CDK17: variants seen among roughly 807,000 people sequenced by gnomAD.
CDK17 encodes cyclin-dependent kinase 17.
CDK17 carries 24 observed loss-of-function variants against 77.6 expected under a neutral mutation model. That is an observed-to-expected ratio of 0.31 (90% CI 0.22 to 0.44). The LOEUF is 0.44. Among genes scored for constraint, CDK17 ranks in the 20% least tolerant of loss-of-function variants. CDK17 has a pLI of 1.00. For synonymous variants in CDK17, 203 were observed against 210.4 expected (o/e 0.96, Z 0.30); for missense variants, 429 against 622.5 (o/e 0.69, Z 3.31).
intron 1 of CDK17, among the ~76,000 whole-genome samples, chr12:96,390,806 T>C (rs1954055756): frequency 6.6e-6 from 1 of 150,864 alleles, no homozygotes; most frequent in South Asian, 2.1e-4. Context: ...TTACTGTAAT[T>C]CCATTTAAAA....
intron 1 of CDK17, among the ~76,000 whole-genome samples, chr12:96,399,582 AC>A (rs915654590): frequency 3.8e-5 from 5 of 133,266 alleles, no homozygotes; most frequent in African/African-American, 1.4e-4. Flanking sequence ...CTCCAGCTCC[AC>A]CCCCGCCGAG....
At chr12:96,352,048 A>T (rs1489786748) in intron 1 of CDK17, among the ~76,000 whole-genome samples, 1 of 152,218 alleles carries the variant, frequency 6.6e-6, no homozygotes, top group Non-Finnish European at 1.5e-5. Flanking sequence ...GGCTGGGATC[A>T]TGGTGAAAGG....
chr12:96,399,914 C>T (rs988593004), intron 1 of CDK17, 72 bp downstream of exon 1: 2 of 339,946 alleles, frequency 5.9e-6, no homozygotes, highest in East Asian at 4.4e-5. Context: ...CTCTGTCCCA[C>T]GCAGCCTCCC....
At chr12:96,340,734 A>G (rs1953110221) in intron 1 of CDK17, among the ~76,000 whole-genome samples, 1 of 152,230 alleles carries the variant, frequency 6.6e-6, no homozygotes, top group Non-Finnish European at 1.5e-5. Context: ...ATAATAGGGC[A>G]GTGCTAAATT....
chr12:96,384,145 G>A (rs1347208150), intron 1 of CDK17, among the ~76,000 whole-genome samples: 1 of 151,802 alleles, frequency 6.6e-6, no homozygotes, highest in African/African-American at 2.4e-5. Flanking sequence ...ACAAACACAT[G>A]AAAAAAATGT....
rs576656982 is a variant in CDK17, at chr12:96,377,689, T to C, written c.-30+22297A>G. Among the ~76,000 whole-genome samples the C allele has an allele frequency of 1.9e-3, 268 of 142,956 alleles. 1 individual carries two copies. Among genetic ancestry groups the C allele is most frequent in the African/African-American group, 6.4e-3 (250 of 39,066 alleles). The allele number at this position is 142,956 out of a possible 152,430, so 93.8% of individuals were successfully genotyped here. Reference sequence around the variant, plus strand: ...ATCAGAATTACAGAAGCAGTTTTTTTTTTTCGTTTTTTTTTTTTTTTTGAG... The same window carrying C: ...ATCAGAATTACAGAAGCAGTTTTTTCTTTTCGTTTTTTTTTTTTTTTTGAG... On this transcript the variant is annotated intron_variant, in intron 1 of 16. Coordinates refer to ENST00000261211, the MANE Select transcript of CDK17 (RefSeq NM_002595.5).
intron 1 of CDK17, among the ~76,000 whole-genome samples, chr12:96,350,418 T>C (rs897871716): frequency 6.6e-6 from 1 of 150,880 alleles, no homozygotes; most frequent in African/African-American, 2.4e-5. Context: ...CCTTGAATAG[T>C]TTTGAACTAG....
rs539471422 is a variant in CDK17, at chr12:96,393,020, T to G, written c.-30+6966A>C. 5.7e-4 allele frequency among the ~76,000 whole-genome samples: 87 copies of G among 152,088 alleles called. 1 individual carries two copies. Among genetic ancestry groups the G allele is most frequent in the Non-Finnish European group, 1.0e-4 (7 of 68,010 alleles). On this transcript the variant is annotated intron_variant, in intron 1 of 16. Transcript: ENST00000261211. ...ATACCAACTGCAAACCTGAGTTAAT[T>G]GAAAAATTAAATTTATTAACTCAAA...
At chr12:96,373,500 A>G (rs1201363423) in intron 1 of CDK17, among the ~76,000 whole-genome samples, 1 of 152,178 alleles carries the variant, frequency 6.6e-6, no homozygotes, top group East Asian at 1.9e-4. Flanking sequence ...AGGCTGAGGC[A>G]GGGGAATCAC....
At chr12:96,390,121 C>A (rs1954043681) in intron 1 of CDK17, among the ~76,000 whole-genome samples, 1 of 150,448 alleles carries the variant, frequency 6.6e-6, no homozygotes, top group East Asian at 2.0e-4. Context: ...AGACAGCGCG[C>A]CCGGCTGAAA....
chr12:96,395,571 T>C (rs920195631), intron 1 of CDK17, among the ~76,000 whole-genome samples: 7 of 152,336 alleles, frequency 4.6e-5, no homozygotes, highest in Non-Finnish European at 8.8e-5. Flanking sequence ...TAGTGCCTAG[T>C]AGAGGAGGTA....
At chr12:96,358,972 A>G (rs901550498) in intron 1 of CDK17, among the ~76,000 whole-genome samples, 2 of 143,640 alleles carry the variant, frequency 1.4e-5, no homozygotes, top group Admixed American at 7.0e-5. Flanking sequence ...CTGACTGGTC[A>G]GATGGCTTTT....
chr12:96,298,822 C>T, intron 7 of CDK17, 47 bp downstream of exon 7: 2 of 996,320 alleles, frequency 2.0e-6, no homozygotes, highest in Non-Finnish European at 3.1e-6. Flanking sequence ...AAAATAGACA[C>T]TTATTCCACC....
Position 96,353,212 on chromosome 12 carries a change from G to A in CDK17, c.-29-18347C>T, listed in dbSNP as rs536165897. 6.6e-5 allele frequency among the ~76,000 whole-genome samples: 10 copies of A among 152,244 alleles called. No homozygotes were observed. The South Asian group carries it at 2.1e-3, about 32-fold the overall frequency. On this transcript the variant is annotated intron_variant, in intron 1 of 16. Coordinates refer to ENST00000261211, the MANE Select transcript of CDK17 (RefSeq NM_002595.5). Reference sequence around the variant, plus strand: ...TGAATTCCATCAGGCCATACATGCTGTTTCATAGGCTGTTTTCCCATGAAG... The same window carrying A: ...TGAATTCCATCAGGCCATACATGCTATTTCATAGGCTGTTTTCCCATGAAG...
intron 3 of CDK17, among the ~76,000 whole-genome samples, chr12:96,315,997 G>A (rs988550798): frequency 6.6e-6 from 1 of 151,928 alleles, no homozygotes; most frequent in African/African-American, 2.4e-5. Flanking sequence ...AGCTCCCAGC[G>A]TGAGCGACGC....
At chr12:96,341,339 ACACAC>A (rs887364346) in intron 1 of CDK17, among the ~76,000 whole-genome samples, 6 of 142,946 alleles carry the variant, frequency 4.2e-5, no homozygotes, top group Non-Finnish European at 8.0e-5. Context: ...ACACACACAC[ACACAC>A]GTCTCATATA....
chr12:96,299,022 A>T lies in CDK17; in HGVS notation c.601-39T>A, dbSNP rs200171854. 3.1e-5 allele frequency: 31 copies of T among 990,014 alleles called. 1 individual carries two copies. In the East Asian group the frequency reaches 6.5e-4, roughly 21 times the overall value. 61.3% of individuals were successfully genotyped at this position (990,014 alleles called of 1,614,324 possible). On this transcript the variant is annotated intron_variant, in intron 6 of 16. Coordinates refer to ENST00000261211, the MANE Select transcript of CDK17 (RefSeq NM_002595.5). ...TTTTAAAGGACGCATCAAAAGTATC[A>T]TAAGAGTCTATTTAATACCATCTTA...
intron 3 of CDK17, among the ~76,000 whole-genome samples, chr12:96,323,390 G>A (rs771787103): frequency 6.9e-4 from 105 of 151,980 alleles, no homozygotes; most frequent in Admixed American, 1.5e-3. Flanking sequence ...TGGGAGGTCA[G>A]GGCTGCAGTG....
At chr12:96,334,681 A>G in intron 2 of CDK17, 38 bp downstream of exon 2, 1 of 1,034,226 alleles carries the variant, frequency 9.7e-7, no homozygotes, top group Non-Finnish European at 1.5e-6. Context: ...TAAAGTAATT[A>G]AAAGGAGGAA....
Sources: gnomAD v4.1 joint callset for allele counts (sites outside exome capture counted in the v4.1 genomes callset) on GRCh38, gnomAD v4.1.1 for gene constraint, MANE v1.5 for transcripts, NCBI Gene and HGNC (gene_info 2026-07-23, HGNC 2026-07-21) for gene names.